The following KANSL2 variants were observed in gnomAD, a reference collection of about 807,000 sequenced individuals.
KANSL2 encodes NSL complex protein NSL2.
KANSL2 carries 34 observed loss-of-function variants against 55.6 expected under a neutral mutation model. The ratio of observed to expected loss-of-function variants is 0.61; its 90% confidence interval spans 0.46 to 0.81. KANSL2 has a LOEUF of 0.81. Among genes scored for constraint, KANSL2 ranks in the 40% least tolerant of loss-of-function variants. KANSL2 has a pLI of 0.00. For synonymous variants in KANSL2, 209 were observed against 214.3 expected, an observed-to-expected ratio of 0.98 and a Z score of 0.22; for missense variants, 502 against 609.9, an observed-to-expected ratio of 0.82 and a Z score of 1.86.
Position 48,653,922 on chromosome 12 carries a change from A to T in KANSL2, c.*122T>A. On this transcript the variant is annotated 3_prime_UTR_variant, in exon 10 of 10. Coordinates refer to ENST00000420613, the MANE Select transcript of KANSL2 (RefSeq NM_017822.4). Reference sequence around the variant, plus strand: ...ATTTGGCTTTACGTTTGACTATAATACTCAATCCAGAAGAAAAACAAGGTA... The same window carrying T: ...ATTTGGCTTTACGTTTGACTATAATTCTCAATCCAGAAGAAAAACAAGGTA... 1.8e-6 allele frequency: 2 copies of T among 1,094,014 alleles called. No homozygotes were observed. The highest frequency in any genetic ancestry group is 2.5e-6 in the Non-Finnish European group (2 of 786,858). The allele number at this position is 1,094,014 out of a possible 1,614,324, so 67.8% of individuals were successfully genotyped here. A position where few individuals can be genotyped will look rare whatever the true frequency, so the allele number is the denominator to read the frequency against.
intron 7 of KANSL2, among the ~76,000 whole-genome samples, chr12:48,662,026 C>G (rs989666148): frequency 2.0e-5 from 3 of 152,182 alleles, no homozygotes; most frequent in Admixed American, 2.0e-4. Context: ...TTGCACTATG[C>G]GCTTAAGAAA....
intron 7 of KANSL2, among the ~76,000 whole-genome samples, chr12:48,661,622 A>G (rs1274852494): frequency 6.6e-6 from 1 of 152,118 alleles, no homozygotes; most frequent in Non-Finnish European, 1.5e-5. Flanking sequence ...TTTTATGGTA[A>G]TTTTTTTAAA....
chr12:48,655,613 G>A (rs1282140760), intron 8 of KANSL2, among the ~76,000 whole-genome samples: 1 of 151,726 alleles, frequency 6.6e-6, no homozygotes, highest in Non-Finnish European at 1.5e-5. Flanking sequence ...ACACAAAGTA[G>A]AAACGGAGAA....
chr12:48,664,101 G>C lies in KANSL2; in HGVS notation c.974-3482C>G, dbSNP rs559838151. On this transcript the variant is annotated intron_variant, in intron 7 of 9. Transcript: ENST00000420613. ...GGCTAATTTTTGTATATTTAGTAGA[G>C]ATGGGGTTTCACCATATTGGCAAAG... Among the ~76,000 whole-genome samples the C allele has an allele frequency of 3.3e-5, 5 of 151,888 alleles. No individual in the cohort carries two copies. The South Asian group carries it at 1.0e-3, about 32-fold the overall frequency.
At chr12:48,660,109 A>G (rs1052151028) in intron 8 of KANSL2, among the ~76,000 whole-genome samples, 7 of 152,200 alleles carry the variant, frequency 4.6e-5, no homozygotes, top group Non-Finnish European at 7.4e-5. Context: ...AAATCACTCA[A>G]TTATACACTT....
Position 48,669,109 on chromosome 12 carries a change from T to C in KANSL2, c.873A>G (p.Gln291=). The C allele has an allele frequency of 6.5e-7, 1 of 1,538,522 alleles. No homozygotes were observed. The highest frequency in any genetic ancestry group is 8.8e-7 in the Non-Finnish European group (1 of 1,142,264). ...RRMLATDGAA[Q]QAHTTRSSQR... is the part of the protein sequence containing the mutation. ...TAAAGGTATACACACAAATTACCTG[T>C]TGGGCAGCACCATCTGTGGCCAGCA... The change falls in exon 6 of 10, where the codon CAA becomes CAG. Residue 291 remains glutamine (Q), a synonymous_variant. Coordinates refer to ENST00000420613, the MANE Select transcript of KANSL2 (RefSeq NM_017822.4).
chr12:48,670,210 A>G (rs1442447612), intron 5 of KANSL2, among the ~76,000 whole-genome samples: 1 of 151,916 alleles, frequency 6.6e-6, no homozygotes, highest in Non-Finnish European at 1.5e-5. Context: ...AAAAAAAAAA[A>G]AAAAATCTAG....
Position 48,660,552 on chromosome 12 carries a change from G to A in KANSL2, c.1041C>T (p.Asn347=). 6.2e-7 allele frequency: 1 copy of A among 1,613,382 alleles called. No homozygotes were observed. Among genetic ancestry groups the A allele is most frequent in the Non-Finnish European group, 8.5e-7 (1 of 1,179,650 alleles). The change falls in exon 8 of 10, where the codon AAC becomes AAT. Residue 347 remains asparagine, a synonymous_variant. Coordinates refer to ENST00000420613, the MANE Select transcript of KANSL2 (RefSeq NM_017822.4). ...CAGAGAGGCTTACAGGAACAGGTTT[G>A]TTGCAGGGTACCTCTTCAGATCCCT... The part of the protein sequence containing the change: ...CCQGSEEVPC[N]KPVPVSLSED...
intron 4 of KANSL2, among the ~76,000 whole-genome samples, chr12:48,672,431 A>AT (rs1449179261): frequency 1.1e-3 from 121 of 114,886 alleles, no homozygotes; most frequent in Middle Eastern, 4.5e-3. Context: ...ATATATATAT[A>AT]TATTTTTTTT....
chr12:48,657,057 A>G (rs1312024401), intron 8 of KANSL2, among the ~76,000 whole-genome samples: 1 of 152,128 alleles, frequency 6.6e-6, no homozygotes, highest in East Asian at 1.9e-4. Flanking sequence ...ACATCTTCAC[A>G]TTAAAGAATA....
intron 4 of KANSL2, among the ~76,000 whole-genome samples, chr12:48,672,419 A>G (rs1478605497): frequency 8.9e-6 from 1 of 112,678 alleles, no homozygotes; most frequent in Non-Finnish European, 1.9e-5. Flanking sequence ...GTATATATAT[A>G]TATATATATA....
At chr12:48,672,434 T>TATATATA (rs71080136) in intron 4 of KANSL2, among the ~76,000 whole-genome samples, 3 of 98,030 alleles carry the variant, frequency 3.1e-5, no homozygotes, top group African/African-American at 1.2e-4. Flanking sequence ...TATATATATA[T>TATATATA]TTTTTTTTTG....
At position 48,679,041 on chromosome 12, in the gene KANSL2, G is replaced by C; in HGVS notation, c.540C>G (p.Pro180=). 1 of 1,609,206 alleles carries C rather than the reference G, an allele frequency of 6.2e-7. No homozygotes were observed. The highest frequency in any genetic ancestry group is 2.2e-5 in the East Asian group (1 of 44,838). The stretch of plus-strand genomic sequence containing the variant: ...TATGTGGAGTTACAACTTACTTTAG[G>C]GGATCTTCTTGATCACTGTCTATGC... The part of the protein sequence containing the change: ...ADSIDSDQED[P]LKHAGVYTAE... The change falls in exon 4 of 10, where the codon CCC becomes CCG. Residue 180 remains proline, a synonymous_variant. Coordinates refer to ENST00000420613, the MANE Select transcript of KANSL2 (RefSeq NM_017822.4).
Position 48,679,098 on chromosome 12 carries a change from T to A in KANSL2, c.483A>T (p.Thr161=), listed in dbSNP as rs1328440472. ...GEQEPITVDQ[T]WRGDPDSEAD... ...CTTCACTGTCAGGGTCACCTCTCCA[T>A]GTCTGATCCACAGTAATGGGTTCCT... Residue 161 remains threonine, a synonymous_variant, in exon 4 of 10, where the codon ACA becomes ACT. Coordinates refer to ENST00000420613, the MANE Select transcript of KANSL2 (RefSeq NM_017822.4). The A allele has an allele frequency of 6.2e-7, 1 of 1,613,956 alleles. No individual in the cohort carries two copies. The highest frequency in any genetic ancestry group is 8.5e-7 in the Non-Finnish European group (1 of 1,179,876).
chr12:48,671,809 A>G lies in KANSL2; in HGVS notation c.699T>C (p.His233=). Residue 233 remains histidine (H), a synonymous_variant, in exon 5 of 10, where the codon CAT becomes CAC. Coordinates refer to ENST00000420613, the MANE Select transcript of KANSL2 (RefSeq NM_017822.4). ...RRYLHNRKVE[H]EALGSSLLTG... ...TGGCATAAAACTTGCCTAGAGCTTCATGTTCCACTTTGCGATTATGTAAGT... is the reference window on the plus strand; with the variant it reads ...TGGCATAAAACTTGCCTAGAGCTTCGTGTTCCACTTTGCGATTATGTAAGT... The G allele has an allele frequency of 6.2e-7, 1 of 1,610,560 alleles. No homozygotes were observed. Among genetic ancestry groups the G allele is most frequent in the Non-Finnish European group, 8.5e-7 (1 of 1,178,330 alleles).
chr12:48,653,834 G>A lies in KANSL2; in HGVS notation c.*210C>T, dbSNP rs1939327099. 6.8e-6 allele frequency: 3 copies of A among 442,600 alleles called. No individual in the cohort carries two copies. The highest frequency in any genetic ancestry group is 1.2e-5 in the Non-Finnish European group (3 of 253,614). The allele number at this position is 442,600 out of a possible 1,614,324, so 27.4% of individuals were successfully genotyped here. A position where few individuals can be genotyped will look rare whatever the true frequency, so the allele number is the denominator to read the frequency against. Reference sequence around the variant, plus strand: ...CAAATAATCCCAGAAGCTTTGATAGGGATTATCTCTCTTTCTCTTCCTTGC... The same window carrying A: ...CAAATAATCCCAGAAGCTTTGATAGAGATTATCTCTCTTTCTCTTCCTTGC... On this transcript the variant is annotated 3_prime_UTR_variant, in exon 10 of 10. Transcript: ENST00000420613.
Position 48,653,419 on chromosome 12 carries a change from CTGTT to C in KANSL2, c.*621_*624del, listed in dbSNP as rs1252100753. On this transcript the variant is annotated 3_prime_UTR_variant, in exon 10 of 10. Transcript: ENST00000420613. ...CAAAACATGCATTCAATTCAGGTGA[CTGTT>C]TGATATTTTCATAACATTTTCTTTA... 7 of 152,760 alleles carry C rather than the reference CTGTT, an allele frequency of 4.6e-5. No homozygotes were observed. Among genetic ancestry groups the C allele is most frequent in the South Asian group, 2.1e-4 (1 of 4,830 alleles). 9.5% of individuals were successfully genotyped at this position (152,760 alleles called of 1,614,324 possible). A position where few individuals can be genotyped will look rare whatever the true frequency, so the allele number is the denominator to read the frequency against.
chr12:48,666,680 G>A (rs1051108227), intron 7 of KANSL2, among the ~76,000 whole-genome samples: 1 of 151,210 alleles, frequency 6.6e-6, no homozygotes, highest in Non-Finnish European at 1.5e-5. Context: ...GCGACACAGC[G>A]AGACTCTGCC....
intron 4 of KANSL2, among the ~76,000 whole-genome samples, chr12:48,673,141 CCT>C (rs1939758159): frequency 6.6e-6 from 1 of 152,112 alleles, no homozygotes; most frequent in Admixed American, 6.6e-5. Context: ...TGGGCTATAC[CCT>C]GTCCTCAGCT....
Sources: gnomAD v4.1 joint callset for allele counts (sites outside exome capture counted in the v4.1 genomes callset) on GRCh38, gnomAD v4.1.1 for gene constraint, MANE v1.5 for transcripts, NCBI Gene and HGNC (gene_info 2026-07-23, HGNC 2026-07-21) for gene names.